Variants in ZNF460 observed in about 807,000 individuals in gnomAD.
The protein encoded by ZNF460 is zinc finger protein 272.
A neutral mutation model predicts 8.4 loss-of-function variants in ZNF460; 1 was observed. The ratio of observed to expected loss-of-function variants is 0.12; its 90% CI spans 0.04 to 0.56. The LOEUF is 0.56. Ranked by LOEUF, ZNF460 falls within the 20% of genes least tolerant of loss-of-function variation. The pLI, the probability that ZNF460 is intolerant of heterozygous loss-of-function variation, is 0.91. For missense variants in ZNF460, 477 were observed against 714.8 expected (o/e 0.67, Z 3.79); for synonymous variants, 262 against 259.9 (o/e 1.01, Z -0.08).
rs1338576266 is a variant in ZNF460 at position 57,284,490 on chromosome 19, AGGTT to A, written c.31-60_31-57del. The A allele has an allele frequency of 1.9e-6, 3 of 1,573,856 alleles. No individual in the cohort carries two copies. In the African/African-American group the frequency reaches 4.1e-5, roughly 22 times the overall value. On this transcript the variant is annotated intron_variant, in intron 1 of 2. Coordinates refer to ENST00000360338, the MANE Select transcript of ZNF460 (RefSeq NM_006635.4). ...GCATCTTTTGCAGTGCTGGAGTGAC[AGGTT>A]CTAATCCTATTCCACAGTTGCAAAG... is the stretch of plus-strand genomic sequence containing the variant.
At position 57,292,249 on chromosome 19, in the gene ZNF460, T is replaced by C; in HGVS notation, c.*19T>C. 1 of 1,590,976 alleles carries C rather than the reference T, an allele frequency of 6.3e-7. No individual in the cohort carries two copies. Among genetic ancestry groups the C allele is most frequent in the Non-Finnish European group, 8.6e-7 (1 of 1,165,336 alleles). ...ATTGTAACAGATGTGGAAAGACTTTTTACGTACACTTCAGTCAACATCCAA... is the reference window on the plus strand; with the variant it reads ...ATTGTAACAGATGTGGAAAGACTTTCTACGTACACTTCAGTCAACATCCAA... On this transcript the variant is annotated 3_prime_UTR_variant, in exon 3 of 3. Transcript: ENST00000360338.
At position 57,280,798 on chromosome 19, in the gene ZNF460, AT is replaced by A; in HGVS notation, c.-7del. 6.2e-7 allele frequency: 1 copy of A among 1,614,036 alleles called. No homozygotes were observed. Among genetic ancestry groups the A allele is most frequent in the Non-Finnish European group, 8.5e-7 (1 of 1,179,980 alleles). On this transcript the variant is annotated 5_prime_UTR_variant, in exon 1 of 3. Coordinates refer to ENST00000360338, the MANE Select transcript of ZNF460 (RefSeq NM_006635.4). ...GGGCTGTGGTCGGCTGATCCGCGGC[AT>A]TCCCGGGATGGCGGCGGCGTGGATG...
At chr19:57,290,634 A>G in intron 2 of ZNF460, 65 bp from the exon 3 acceptor site, 15 of 1,441,718 alleles carry the variant, frequency 1.0e-5, no homozygotes, top group Non-Finnish European at 1.3e-5. Flanking sequence ...GTTCTCACCA[A>G]AAAGGTGGTT....
At chr19:57,286,024 T>C (rs2087877049) in intron 2 of ZNF460, among the ~76,000 whole-genome samples, 1 of 152,238 alleles carries the variant, frequency 6.6e-6, no homozygotes, top group Non-Finnish European at 1.5e-5. Context: ...TTTATTTCTT[T>C]ATACCCATGC....
intron 2 of ZNF460, among the ~76,000 whole-genome samples, chr19:57,286,889 A>G (rs994675471): frequency 2.0e-5 from 3 of 150,582 alleles, no homozygotes. Context: ...GCTTGAACTC[A>G]GGAGGCAGAG....
Position 57,283,502 on chromosome 19 carries a change from CTTTTTTTTTT to C in ZNF460, c.31-1034_31-1025del, listed in dbSNP as rs926242067. Among the ~76,000 whole-genome samples, 345 of 68,558 alleles carry C rather than the reference CTTTTTTTTTT, an allele frequency of 5.0e-3. 3 individuals are homozygous for C. Among genetic ancestry groups the C allele is most frequent in the African/African-American group, 0.02 (318 of 15,782 alleles). 45.0% of individuals were successfully genotyped at this position (68,558 alleles called of 152,430 possible). ...TTTTTCTTTAGTTCTTTTGACTATT[CTTTTTTTTTT>C]TTTTTTTTTTTTTTGAGACAGAGGC... On this transcript the variant is annotated intron_variant, in intron 1 of 2. Transcript: ENST00000360338.
chr19:57,290,237 A>G (rs113946212), intron 2 of ZNF460, among the ~76,000 whole-genome samples: 24,563 of 152,186 alleles, frequency 0.16, 2,607 homozygotes, highest in Non-Finnish European at 0.22. Context: ...GATCCGCCTC[A>G]GCCTCCCAAA....
intron 1 of ZNF460, among the ~76,000 whole-genome samples, chr19:57,283,152 T>G (rs1313963445): frequency 2.0e-5 from 3 of 151,762 alleles, no homozygotes; most frequent in African/African-American, 4.8e-5. Flanking sequence ...TTTGTTTTTT[T>G]TTTTTTTTAC....
Position 57,287,048 on chromosome 19 carries a change from C to G in ZNF460, c.157+2371C>G, listed in dbSNP as rs59716089. 2.9e-3 allele frequency among the ~76,000 whole-genome samples: 440 copies of G among 151,800 alleles called. 2 individuals carry two copies. The highest frequency in any genetic ancestry group is 0.01 in the African/African-American group (420 of 41,388). ...ACTACCACCTACATCAATACATAGG[C>G]TATCTCCAGCTCCTCATCAGGGTTT... On this transcript the variant is annotated intron_variant, in intron 2 of 2. Coordinates refer to ENST00000360338, the MANE Select transcript of ZNF460 (RefSeq NM_006635.4).
chr19:57,289,125 G>C (rs1476424609), intron 2 of ZNF460, among the ~76,000 whole-genome samples: 1 of 151,920 alleles, frequency 6.6e-6, no homozygotes, highest in Non-Finnish European at 1.5e-5. Flanking sequence ...GATCTTTATT[G>C]TCTTGAAATA....
intron 2 of ZNF460, among the ~76,000 whole-genome samples, chr19:57,287,921 G>C (rs181658130): frequency 2.0e-5 from 3 of 152,126 alleles, no homozygotes; most frequent in Non-Finnish European, 1.5e-5. Flanking sequence ...CCTGGGAGGT[G>C]GAGGTTGCAG....
chr19:57,285,735 T>C (rs999687040), intron 2 of ZNF460, among the ~76,000 whole-genome samples: 6 of 152,228 alleles, frequency 3.9e-5, no homozygotes, highest in African/African-American at 1.4e-4. Context: ...CAGTGGTTCA[T>C]GAAATGTCGA....
intron 1 of ZNF460, among the ~76,000 whole-genome samples, chr19:57,283,438 G>A (rs1400551746): frequency 1.3e-5 from 2 of 149,954 alleles, no homozygotes; most frequent in African/African-American, 4.9e-5. Flanking sequence ...AAACTGCTGG[G>A]ATTACAGGCA....
intron 2 of ZNF460, among the ~76,000 whole-genome samples, chr19:57,285,818 C>T (rs983294176): frequency 6.6e-6 from 1 of 152,194 alleles, no homozygotes; most frequent in African/African-American, 2.4e-5. Context: ...CCACTCATGT[C>T]TCCCATTCTT....
chr19:57,283,884 G>A (rs1025576708), intron 1 of ZNF460, among the ~76,000 whole-genome samples: 3 of 152,080 alleles, frequency 2.0e-5, no homozygotes, highest in Non-Finnish European at 2.9e-5. Context: ...GGTCCCCAAG[G>A]TCACATAGCA....
At position 57,290,628 on chromosome 19, in the gene ZNF460, T is replaced by G. The variant is rs2087910034; in HGVS notation, c.158-71T>G. On this transcript the variant is annotated intron_variant, in intron 2 of 2. Transcript: ENST00000360338. ...CATCACTATTTTCATCTTATTGTTCTCACCAAAAAGGTGGTTTCATTTCTT... is the reference window on the plus strand; with the variant it reads ...CATCACTATTTTCATCTTATTGTTCGCACCAAAAAGGTGGTTTCATTTCTT... The G allele has an allele frequency of 2.2e-5, 31 of 1,388,344 alleles. No homozygotes were observed. The South Asian group carries it at 4.1e-4, about 18-fold the overall frequency. 86.0% of individuals were successfully genotyped at this position (1,388,344 alleles called of 1,614,324 possible).
chr19:57,281,096 G>A (rs1237366623), intron 1 of ZNF460, among the ~76,000 whole-genome samples: 5 of 152,054 alleles, frequency 3.3e-5, no homozygotes, highest in Non-Finnish European at 7.4e-5. Context: ...CTTCTCTGTT[G>A]CCTGCCAGCC....
In ZNF460 at chr19:57,293,508, G is replaced by A. The variant is rs2087934144; in HGVS notation, c.*1278G>A. 1 of 152,108 alleles carries A rather than the reference G, an allele frequency of 6.6e-6. No homozygotes were observed. Among genetic ancestry groups the A allele is most frequent in the Non-Finnish European group, 1.5e-5 (1 of 68,030 alleles). The allele number at this position is 152,108 out of a possible 1,614,324, so 9.4% of individuals were successfully genotyped here. ...TTTGTTTCTTTTATTGTTTTTAATT[G>A]ACAATGTTTATGGGGTTTGGTGTGA... On this transcript the variant is annotated 3_prime_UTR_variant, in exon 3 of 3. Coordinates refer to ENST00000360338, the MANE Select transcript of ZNF460 (RefSeq NM_006635.4).
At chr19:57,281,415 GA>G (rs1193183599) in intron 1 of ZNF460, among the ~76,000 whole-genome samples, 1 of 152,052 alleles carries the variant, frequency 6.6e-6, no homozygotes, top group African/African-American at 2.4e-5. Flanking sequence ...TGGTATTAAA[GA>G]AGCTTGTGGA....
Sources: allele counts gnomAD v4.1 joint callset (sites outside exome capture counted in the v4.1 genomes callset), GRCh38; gene constraint gnomAD v4.1.1; transcripts MANE v1.5; gene names NCBI Gene and HGNC (gene_info 2026-07-23, HGNC 2026-07-21).